PTPRD: variants seen among roughly 807,000 people sequenced by gnomAD.
The protein encoded by PTPRD is receptor-type tyrosine-protein phosphatase delta.
In PTPRD, 34 loss-of-function variants were observed where a neutral mutation model predicts 214.5. That is an observed-to-expected ratio of 0.16 (90% CI 0.12 to 0.21). PTPRD has a LOEUF of 0.21. PTPRD is among the 10% of genes least tolerant of loss of function. PTPRD has a pLI of 1.00. For missense variants in PTPRD, 2,545 were observed against 2,398.7 expected, an observed-to-expected ratio of 1.06 and a Z score of -1.27; for synonymous variants, 1,128 against 845.7, an observed-to-expected ratio of 1.33 and a Z score of -5.79.
chr9:9,144,491 T>A (rs1295938410), intron 10 of PTPRD, among the ~76,000 whole-genome samples: 1 of 152,148 alleles, frequency 6.6e-6, no homozygotes, highest in Non-Finnish European at 1.5e-5. Context: ...CGGTGACCCA[T>A]GCCTGTAATC....
At chr9:8,628,949 A>G (rs1476424282) in intron 14 of PTPRD, among the ~76,000 whole-genome samples, 1 of 151,812 alleles carries the variant, frequency 6.6e-6, no homozygotes, top group Non-Finnish European at 1.5e-5. Flanking sequence ...TAAGAGCAGC[A>G]GTGTTGTATA....
chr9:8,465,456 A>G lies in PTPRD; in HGVS notation c.3714+10T>C, dbSNP rs775837972. The G allele has an allele frequency of 1.9e-6, 3 of 1,608,754 alleles. No homozygotes were observed. Among genetic ancestry groups the G allele is most frequent in the Non-Finnish European group, 2.6e-6 (3 of 1,176,172 alleles). ...ACCATAGGAAACAGATGCCATCATA[A>G]TTAACTTACAGACTCTGCATGTTCC... On this transcript the variant is annotated intron_variant, in intron 32 of 45. Coordinates refer to ENST00000381196, the MANE Select transcript of PTPRD (RefSeq NM_002839.4).
At chr9:8,873,139 C>T (rs1020787466) in intron 11 of PTPRD, among the ~76,000 whole-genome samples, 2 of 152,288 alleles carry the variant, frequency 1.3e-5, no homozygotes, top group African/African-American at 2.4e-5. Context: ...ACTGAGCTGT[C>T]GGCTCCTGGA....
At chr9:10,342,137 G>C (rs1597531943) in intron 2 of PTPRD, among the ~76,000 whole-genome samples, 1 of 151,954 alleles carries the variant, frequency 6.6e-6, no homozygotes, top group East Asian at 1.9e-4. Context: ...TGATTCATAA[G>C]CTAATTAGTA....
intron 6 of PTPRD, among the ~76,000 whole-genome samples, chr9:9,761,336 A>G (rs1394884489): frequency 6.6e-6 from 1 of 152,238 alleles, no homozygotes; most frequent in African/African-American, 2.4e-5. Context: ...ACAACATTTT[A>G]GAAATGGAAG....
rs1363896620 is a variant in PTPRD, at chr9:8,500,032, C to T, written c.2129-192G>A. 3.0e-4 allele frequency among the ~76,000 whole-genome samples: 7 copies of T among 23,356 alleles called. No individual in the cohort carries two copies. The South Asian group carries it at 6.9e-3, about 23-fold the overall frequency. The allele number at this position is 23,356 out of a possible 152,430, so 15.3% of individuals were successfully genotyped here. On this transcript the variant is annotated intron_variant, in intron 24 of 45. Transcript: ENST00000381196. The stretch of plus-strand genomic sequence containing the variant: ...TCTGCTCTACCTTTTAAGAAAAGAT[C>T]AAAAAACATGACCGATGCAAAAAAA...
chr9:9,540,824 G>C (rs2077435871), intron 8 of PTPRD, among the ~76,000 whole-genome samples: 1 of 151,690 alleles, frequency 6.6e-6, no homozygotes, highest in Admixed American at 6.6e-5. Flanking sequence ...TTAAGTATAG[G>C]TGAGAAAGTA....
At chr9:8,780,303 TC>T (rs1176445079) in intron 11 of PTPRD, among the ~76,000 whole-genome samples, 6 of 152,176 alleles carry the variant, frequency 3.9e-5, no homozygotes, top group Admixed American at 2.0e-4. Flanking sequence ...TACCAATCCA[TC>T]CCTTTTCCCC....
At chr9:10,093,162 A>AGGGCTTTAGTTTAATT (rs2098449586) in intron 3 of PTPRD, among the ~76,000 whole-genome samples, 1 of 151,686 alleles carries the variant, frequency 6.6e-6, no homozygotes, top group Non-Finnish European at 1.5e-5. Flanking sequence ...AGTAAACAGA[A>AGGGCTTTAGTTTAATT]AACCTACAAA....
chr9:9,590,184 T>A (rs1447834607), intron 7 of PTPRD, among the ~76,000 whole-genome samples: 1 of 152,054 alleles, frequency 6.6e-6, no homozygotes, highest in Non-Finnish European at 1.5e-5. Flanking sequence ...CATATTAGGA[T>A]CATACAGCAA....
At chr9:10,162,177 G>C (rs946718520) in intron 3 of PTPRD, among the ~76,000 whole-genome samples, 1 of 151,494 alleles carries the variant, frequency 6.6e-6, no homozygotes, top group Non-Finnish European at 1.5e-5. Context: ...TTAGGATCCA[G>C]CAATTCCACT....
intron 3 of PTPRD, among the ~76,000 whole-genome samples, chr9:10,323,757 G>A (rs1021249551): frequency 2.0e-5 from 3 of 151,922 alleles, no homozygotes; most frequent in African/African-American, 7.2e-5. Context: ...ATACTTTCCT[G>A]TCTGGAGATT....
chr9:9,158,474 C>G (rs556096495), intron 10 of PTPRD, among the ~76,000 whole-genome samples: 19 of 152,174 alleles, frequency 1.2e-4, no homozygotes, highest in African/African-American at 4.6e-4. Flanking sequence ...GTGGCACGTG[C>G]CTGTAATCCC....
intron 36 of PTPRD, among the ~76,000 whole-genome samples, chr9:8,391,461 C>A (rs753626863): frequency 2.6e-5 from 4 of 152,092 alleles, no homozygotes; most frequent in Non-Finnish European, 5.9e-5. Flanking sequence ...CTATTCCTCC[C>A]CAACACCAGA....
At chr9:10,330,937 A>T (rs1223553639) in intron 3 of PTPRD, among the ~76,000 whole-genome samples, 1 of 151,808 alleles carries the variant, frequency 6.6e-6, no homozygotes, top group Non-Finnish European at 1.5e-5. Flanking sequence ...GGTGGTGGTG[A>T]GAAACATACA....
chr9:9,323,046 T>C lies in PTPRD; in HGVS notation c.-203+74403A>G, dbSNP rs541183710. On this transcript the variant is annotated intron_variant, in intron 9 of 45. Transcript: ENST00000381196. ...ATCACTCAAATTTTTAAGTTACTGT[T>C]TACAATTTTTTTTGCAACATTAGGG... 2.5e-4 allele frequency among the ~76,000 whole-genome samples: 38 copies of C among 152,266 alleles called. No individual in the cohort carries two copies. In the South Asian group the frequency reaches 7.9e-3, roughly 32 times the overall value.
At chr9:9,427,388 AG>A (rs1404950789) in intron 8 of PTPRD, among the ~76,000 whole-genome samples, 1 of 152,218 alleles carries the variant, frequency 6.6e-6, no homozygotes, top group Non-Finnish European at 1.5e-5. Flanking sequence ...AAATGAACAA[AG>A]CCTCCAAGAA....
chr9:8,492,811 T>A, intron 27 of PTPRD, 51 bp downstream of exon 27: 1 of 1,368,224 alleles, frequency 7.3e-7, no homozygotes, highest in Admixed American at 1.7e-5. Flanking sequence ...CTATACCATT[T>A]AAAAAGTTAG....
At chr9:8,521,247 G>T (rs762998950) in intron 20 of PTPRD, 30 bp downstream of exon 20, 2 of 1,588,830 alleles carry the variant, frequency 1.3e-6, no homozygotes, top group Middle Eastern at 1.7e-4. Context: ...AGTGTACCCA[G>T]ATCCTCAAAG....
Sources: gnomAD v4.1 joint callset for allele counts (sites outside exome capture counted in the v4.1 genomes callset) on GRCh38, gnomAD v4.1.1 for gene constraint, MANE v1.5 for transcripts, NCBI Gene and HGNC (gene_info 2026-07-23, HGNC 2026-07-21) for gene names.